Variants in SPG7 observed in about 807,000 individuals in gnomAD.
The protein encoded by SPG7 is SPG7 matrix AAA peptidase subunit, paraplegin.
Under a neutral mutation model 81.9 loss-of-function variants are expected in SPG7, and 103 were observed. The observed-to-expected ratio is 1.26, with a 90% CI of 1.07 to 1.48. The LOEUF is 1.48. Among genes scored for constraint, SPG7 ranks in the 40% most tolerant of loss-of-function variants. The pLI, the probability that SPG7 is intolerant of heterozygous loss-of-function variation, is 0.00. For missense variants in SPG7, 1,241 were observed against 1,087.3 expected, an observed-to-expected ratio of 1.14 and a Z score of -1.99; for synonymous variants, 534 against 444.2, an observed-to-expected ratio of 1.20 and a Z score of -2.54.
At chr16:89,547,115 C>T (rs1330015724) in intron 11 of SPG7, 3 of 323,144 alleles carry the variant, frequency 9.3e-6, no homozygotes, top group African/African-American at 6.4e-5. Flanking sequence ...CTCCCTCTGA[C>T]CCTCACGGTC....
chr16:89,532,814 T>G, intron 9 of SPG7, 178 bp downstream of exon 9: 1 of 747,024 alleles, frequency 1.3e-6, no homozygotes, highest in Non-Finnish European at 2.2e-6. Flanking sequence ...CCCGGCGCAG[T>G]GGCTCACGCC....
chr16:89,553,287 G>T, intron 14 of SPG7, 152 bp downstream of exon 14: 2 of 866,622 alleles, frequency 2.3e-6, no homozygotes, highest in East Asian at 5.3e-5. Context: ...GGTCATAAGA[G>T]AGTTGGAGCT....
At chr16:89,535,548 C>T (rs185017455) in intron 9 of SPG7, among the ~76,000 whole-genome samples, 1 of 152,332 alleles carries the variant, frequency 6.6e-6, no homozygotes, top group East Asian at 1.9e-4. Flanking sequence ...TGAATGGCTG[C>T]CTTCTGCACA....
At chr16:89,537,439 T>C in intron 9 of SPG7, 1 of 1,022,086 alleles carries the variant, frequency 9.8e-7, no homozygotes, top group Non-Finnish European at 1.2e-6. Context: ...CAGGCCTCCC[T>C]TCAACGTAGT....
chr16:89,552,747 G>A, intron 13 of SPG7: 1 of 567,900 alleles, frequency 1.8e-6, no homozygotes, highest in South Asian at 1.9e-5. Flanking sequence ...GTCTAGTCAT[G>A]TATGAGAAGA....
intron 4 of SPG7, 60 bp from the exon 5 acceptor site, chr16:89,526,269 T>C (rs917600294): frequency 8.7e-5 from 140 of 1,606,450 alleles, no homozygotes; most frequent in Non-Finnish European, 1.1e-4. Context: ...CTCTGTTGAC[T>C]GTAGGGTTGC....
At chr16:89,534,408 C>T (rs1307897841) in intron 9 of SPG7, among the ~76,000 whole-genome samples, 4 of 152,216 alleles carry the variant, frequency 2.6e-5, no homozygotes, top group Non-Finnish European at 4.4e-5. Context: ...CGTCGGTGGA[C>T]ATGTGGACTG....
intron 12 of SPG7, 145 bp from the exon 13 acceptor site, chr16:89,550,347 ATT>A (rs1784561867): frequency 3.0e-6 from 2 of 674,862 alleles, no homozygotes; most frequent in Admixed American, 4.1e-5. Flanking sequence ...TAATTTTTCT[ATT>A]TTTAGTAGGG....
chr16:89,549,889 C>T (rs561939071), intron 12 of SPG7: 113 of 173,158 alleles, frequency 6.5e-4, no homozygotes, highest in African/African-American at 2.6e-3. Context: ...CCCTGTGGCA[C>T]CCCCCCAACC....
intron 11 of SPG7, chr16:89,547,538 G>T (rs552544624): frequency 6.0e-4 from 131 of 218,570 alleles, no homozygotes; most frequent in African/African-American, 2.9e-3. Context: ...CCAGCTCCCC[G>T]TGCCTCTCTC....
chr16:89,546,783 G>A (rs1426137187), intron 11 of SPG7, 23 bp downstream of exon 11: 6 of 1,531,804 alleles, frequency 3.9e-6, no homozygotes, highest in Non-Finnish European at 5.4e-6. Context: ...CCCGCAGCCT[G>A]GGCAGCGTCA....
chr16:89,510,260 C>T (rs1464120962), intron 1 of SPG7, among the ~76,000 whole-genome samples: 10 of 152,186 alleles, frequency 6.6e-5, no homozygotes, highest in Admixed American at 5.2e-4. Flanking sequence ...CAGCCGTGAG[C>T]CACCACGCCT....
At chr16:89,537,306 CAA>C (rs2058438653) in intron 9 of SPG7, 2 of 1,285,040 alleles carry the variant, frequency 1.6e-6, no homozygotes, top group South Asian at 1.8e-5. Context: ...GGGCGCAAGT[CAA>C]AGAGCACTGG....
intron 9 of SPG7, chr16:89,532,910 C>T: frequency 2.2e-6 from 1 of 458,368 alleles, no homozygotes; most frequent in East Asian, 4.3e-5. Flanking sequence ...ATGCTGAAAC[C>T]CCATCTCTAC....
intron 9 of SPG7, chr16:89,536,843 C>T (rs369119352): frequency 6.2e-6 from 10 of 1,614,014 alleles, no homozygotes; most frequent in African/African-American, 2.7e-5. Context: ...TCCTGTCTCA[C>T]GGAGCCCACA....
rs2058080481 is a variant in SPG7 at position 89,515,230 on chromosome 16, C to A, written c.376+2193C>A. On this transcript the variant is annotated intron_variant, in intron 3 of 16. Coordinates refer to ENST00000645818, the MANE Select transcript of SPG7 (RefSeq NM_003119.4). ...GGATTACAGGAGTGGGCCACCGCAC[C>A]CAGCCCTGGACCTTTTTTTTTTTTA... 2.7e-5 allele frequency among the ~76,000 whole-genome samples: 4 copies of A among 146,466 alleles called. No individual in the cohort carries two copies. In the South Asian group the frequency reaches 9.1e-4, roughly 33 times the overall value.
chr16:89,510,979 C>A (rs556701864), intron 2 of SPG7, among the ~76,000 whole-genome samples: 1 of 152,292 alleles, frequency 6.6e-6, no homozygotes, highest in East Asian at 1.9e-4. Flanking sequence ...ACTCCAGGCA[C>A]ACACCAAAGC....
chr16:89,546,029 A>G lies in SPG7; in HGVS notation c.1450-629A>G, dbSNP rs974233888. 1.6e-5 allele frequency: 6 copies of G among 377,310 alleles called. No homozygotes were observed. In the East Asian group the frequency reaches 5.0e-4, roughly 31 times the overall value. The allele number at this position is 377,310 out of a possible 1,614,324, so 23.4% of individuals were successfully genotyped here. On this transcript the variant is annotated intron_variant, in intron 10 of 16. Transcript: ENST00000645818. ...TTAACAGAGTCTCGCTGTGTTGCCAAGGCTGGTGTCAAACCCCTGGCCTCA... is the reference window on the plus strand; with the variant it reads ...TTAACAGAGTCTCGCTGTGTTGCCAGGGCTGGTGTCAAACCCCTGGCCTCA...
chr16:89,537,623 C>T, intron 9 of SPG7: 5 of 940,176 alleles, frequency 5.3e-6, no homozygotes, highest in Non-Finnish European at 6.3e-6. Flanking sequence ...CCTCCACCTC[C>T]TAGGCTCAAG....
Sources: gnomAD v4.1 joint callset for allele counts (sites outside exome capture counted in the v4.1 genomes callset) on GRCh38, gnomAD v4.1.1 for gene constraint, MANE v1.5 for transcripts, NCBI Gene and HGNC (gene_info 2026-07-23, HGNC 2026-07-21) for gene names.